PDE7B: variants seen among roughly 807,000 people sequenced by gnomAD.
PDE7B encodes phosphodiesterase 7B, also known as 3',5'-cyclic-AMP phosphodiesterase 7B.
Under a neutral mutation model 56.2 loss-of-function variants are expected in PDE7B, and 29 were observed. The ratio of observed to expected loss-of-function variants is 0.52; its 90% CI spans 0.38 to 0.70. The LOEUF (loss-of-function observed/expected upper bound fraction) is 0.70, where lower values mean the gene tolerates loss of function less well. PDE7B is among the 30% of genes least tolerant of loss of function. The probability of loss-of-function intolerance (pLI) is 0.00; values close to 1 mark genes in which losing one functional copy is unlikely to be tolerated. For missense variants in PDE7B, 490 were observed against 565.0 expected (o/e 0.87, Z 1.35); for synonymous variants, 197 against 196.9 (o/e 1.00, Z 0.00).
chr6:135,934,551 A>G (rs1372760206), intron 1 of PDE7B, among the ~76,000 whole-genome samples: 2 of 150,052 alleles, frequency 1.3e-5, no homozygotes, highest in African/African-American at 2.5e-5. Flanking sequence ...ACGTGGTGAA[A>G]CTCTGTCTCT....
chr6:136,043,183 T>TA (rs1458065037), intron 2 of PDE7B, among the ~76,000 whole-genome samples: 6 of 152,244 alleles, frequency 3.9e-5, no homozygotes, highest in Admixed American at 2.6e-4. Flanking sequence ...TTTCACTCTG[T>TA]AGTGATGCTG....
At chr6:136,171,163 G>A (rs1778873183) in intron 8 of PDE7B, among the ~76,000 whole-genome samples, 1 of 152,090 alleles carries the variant, frequency 6.6e-6, no homozygotes, top group Admixed American at 6.6e-5. Flanking sequence ...TCATTTAAAT[G>A]GTTAATTGTT....
intron 2 of PDE7B, among the ~76,000 whole-genome samples, chr6:135,955,739 T>C (rs1774781601): frequency 1.3e-5 from 2 of 152,136 alleles, no homozygotes; most frequent in South Asian, 4.1e-4. Flanking sequence ...GAGTCCTACC[T>C]GAATTGAGAC....
chr6:136,101,742 C>T (rs1777566060), intron 2 of PDE7B, among the ~76,000 whole-genome samples: 2 of 152,134 alleles, frequency 1.3e-5, no homozygotes, highest in Non-Finnish European at 2.9e-5. Context: ...CTGCAAGATA[C>T]CTACACACTC....
chr6:136,036,702 C>T (rs1776330222), intron 2 of PDE7B, among the ~76,000 whole-genome samples: 1 of 152,146 alleles, frequency 6.6e-6, no homozygotes, highest in Non-Finnish European at 1.5e-5. Context: ...GTGTGATAAA[C>T]CAGCCTTGAA....
intron 2 of PDE7B, among the ~76,000 whole-genome samples, chr6:136,080,678 G>A (rs1202785870): frequency 6.6e-6 from 1 of 152,180 alleles, no homozygotes; most frequent in African/African-American, 2.4e-5. Context: ...GACTTTGGAA[G>A]AACTACTGGT....
chr6:136,001,469 G>T (rs1402971640), intron 2 of PDE7B, among the ~76,000 whole-genome samples: 1 of 152,172 alleles, frequency 6.6e-6, no homozygotes, highest in Non-Finnish European at 1.5e-5. Context: ...TTAGACAAAT[G>T]TATAACTAGA....
chr6:136,045,641 G>A (rs1291746582), intron 2 of PDE7B, among the ~76,000 whole-genome samples: 2 of 152,120 alleles, frequency 1.3e-5, no homozygotes, highest in South Asian at 4.2e-4. Context: ...GGGTTTAGTT[G>A]TGGAAAGCCT....
In PDE7B at chr6:135,889,818, T is replaced by C. The variant is rs368005364; in HGVS notation, c.21+37799T>C. On this transcript the variant is annotated intron_variant, in intron 1 of 12. Coordinates refer to ENST00000308191, the MANE Select transcript of PDE7B (RefSeq NM_018945.4). Reference sequence around the variant, plus strand: ...TCACCCGGGAGTGCAAATGACGCGATCTCAGCTCACTGCAACCTCTGCCTC... The same window carrying C: ...TCACCCGGGAGTGCAAATGACGCGACCTCAGCTCACTGCAACCTCTGCCTC... Among the ~76,000 whole-genome samples, 297 of 139,006 alleles carry C rather than the reference T, an allele frequency of 2.1e-3. 2 individuals carry two copies. Among genetic ancestry groups the C allele is most frequent in the African/African-American group, 7.6e-3 (281 of 36,744 alleles). 91.2% of individuals were successfully genotyped at this position (139,006 alleles called of 152,430 possible).
At position 136,177,813 on chromosome 6, in the gene PDE7B, A is replaced by T. The variant is rs114816868; in HGVS notation, c.804-1184A>T. 2.6e-5 allele frequency among the ~76,000 whole-genome samples: 4 copies of T among 152,204 alleles called. No individual in the cohort carries two copies. In the East Asian group the frequency reaches 7.7e-4, roughly 29 times the overall value. On this transcript the variant is annotated intron_variant, in intron 9 of 12. Coordinates refer to ENST00000308191, the MANE Select transcript of PDE7B (RefSeq NM_018945.4). ...TCTGCACATGCGTAACTAGAGGTATATAAGAATATTTACTGTGGCTTTTTT... is the reference window on the plus strand; with the variant it reads ...TCTGCACATGCGTAACTAGAGGTATTTAAGAATATTTACTGTGGCTTTTTT...
chr6:135,924,617 CTTTTTTTTT>C (rs3037775), intron 1 of PDE7B, among the ~76,000 whole-genome samples: 7 of 49,580 alleles, frequency 1.4e-4, no homozygotes, highest in African/African-American at 5.0e-4. Flanking sequence ...CTCTCTCTCT[CTTTTTTTTT>C]TTTTTTTTTT....
In PDE7B at chr6:136,193,000, C is replaced by G. The variant is rs1381203891; in HGVS notation, c.*1160C>G. On this transcript the variant is annotated 3_prime_UTR_variant, in exon 13 of 13. Coordinates refer to ENST00000308191, the MANE Select transcript of PDE7B (RefSeq NM_018945.4). ...AGACCATAGTGTTTAATCTATGGCA[C>G]CAAGCATCGTTTCCTCAGATTAATG... 6.6e-6 allele frequency: 1 copy of G among 152,370 alleles called. No individual in the cohort carries two copies. Among genetic ancestry groups the G allele is most frequent in the Non-Finnish European group, 1.5e-5 (1 of 68,046 alleles). The allele number at this position is 152,370 out of a possible 1,614,324, so 9.4% of individuals were successfully genotyped here.
At chr6:136,090,004 G>A (rs1777359871) in intron 2 of PDE7B, among the ~76,000 whole-genome samples, 1 of 152,136 alleles carries the variant, frequency 6.6e-6, no homozygotes, top group East Asian at 1.9e-4. Flanking sequence ...TACACACGGT[G>A]ATTACTAGCG....
At position 136,194,574 on chromosome 6, in the gene PDE7B, A is replaced by G. The variant is rs1232558753; in HGVS notation, c.*2734A>G. 6.6e-6 allele frequency: 1 copy of G among 152,208 alleles called. No individual in the cohort carries two copies. Among genetic ancestry groups the G allele is most frequent in the Non-Finnish European group, 1.5e-5 (1 of 68,038 alleles). 9.4% of individuals were successfully genotyped at this position (152,208 alleles called of 1,614,324 possible). ...CTTGGCTATTAGTGGCTGTCTTGCA[A>G]TATTTCAATAGGAGTCCAATTACTA... On this transcript the variant is annotated 3_prime_UTR_variant, in exon 13 of 13. Transcript: ENST00000308191.
chr6:135,924,016 T>C (rs1411418434), intron 1 of PDE7B, among the ~76,000 whole-genome samples: 3 of 152,188 alleles, frequency 2.0e-5, no homozygotes, highest in Non-Finnish European at 4.4e-5. Context: ...ACATTCTTGC[T>C]TATCAAGTTG....
At chr6:135,873,578 G>C (rs909386014) in intron 1 of PDE7B, among the ~76,000 whole-genome samples, 1 of 152,090 alleles carries the variant, frequency 6.6e-6, no homozygotes, top group Admixed American at 6.6e-5. Flanking sequence ...AGAATTTACT[G>C]AATATATGAG....
At chr6:136,044,484 G>A (rs1051348122) in intron 2 of PDE7B, 2 of 152,136 alleles carry the variant, frequency 1.3e-5, no homozygotes, top group Admixed American at 6.5e-5. Flanking sequence ...TGTTTTTAAT[G>A]GAATCCTATT....
At chr6:136,032,920 G>A (rs979917041) in intron 2 of PDE7B, among the ~76,000 whole-genome samples, 1 of 152,222 alleles carries the variant, frequency 6.6e-6, no homozygotes, top group South Asian at 2.1e-4. Context: ...GCTCAGTGGT[G>A]AGTATAGATC....
intron 2 of PDE7B, among the ~76,000 whole-genome samples, chr6:136,053,981 G>T (rs1776682460): frequency 6.6e-6 from 1 of 152,106 alleles, no homozygotes; most frequent in African/African-American, 2.4e-5. Flanking sequence ...GTAGATTGCA[G>T]AAATTTTCTC....
Sources: gnomAD v4.1 joint callset for allele counts (sites outside exome capture counted in the v4.1 genomes callset) on GRCh38, gnomAD v4.1.1 for gene constraint, MANE v1.5 for transcripts, NCBI Gene and HGNC (gene_info 2026-07-23, HGNC 2026-07-21) for gene names.